The following SVIL variants were observed in gnomAD, a reference collection of about 807,000 sequenced individuals.
SVIL encodes archvillin.
A neutral mutation model predicts 240.4 loss-of-function variants in SVIL; 101 were observed. That is an observed-to-expected ratio of 0.42 (90% CI 0.36 to 0.50). The LOEUF (loss-of-function observed/expected upper bound fraction) is 0.50, where lower values mean the gene tolerates loss of function less well. Ranked by LOEUF, SVIL falls within the 20% of genes least tolerant of loss-of-function variation. The probability of loss-of-function intolerance (pLI) is 0.01; values close to 1 mark genes in which losing one functional copy is unlikely to be tolerated. For missense variants in SVIL, 2,512 were observed against 2,818.7 expected (o/e 0.89, Z 2.46); for synonymous variants, 999 against 1,100.0 (o/e 0.91, Z 1.82).
rs746951772 is a variant in SVIL at position 29,509,322 on chromosome 10, AGG to A, written c.3516+3411_3516+3412del. The stretch of plus-strand genomic sequence containing the variant: ...GAGGGGGAGAGAGAAAGGGAGAAGG[AGG>A]GGGAGGGAGAGAGAGAGAGAGAGAG... On this transcript the variant is annotated intron_variant, in intron 17 of 37. Coordinates refer to ENST00000355867, the MANE Select transcript of SVIL (RefSeq NM_021738.3). Among the ~76,000 whole-genome samples the A allele has an allele frequency of 8.6e-3, 951 of 110,108 alleles. 11 individuals carry two copies. The highest frequency in any genetic ancestry group is 8.4e-3 in the African/African-American group (247 of 29,278). 72.2% of individuals were successfully genotyped at this position (110,108 alleles called of 152,430 possible). A position where few individuals can be genotyped will look rare whatever the true frequency, so the allele number is the denominator to read the frequency against.
At chr10:29,689,517 C>T (rs1961341658) in intron 1 of SVIL, among the ~76,000 whole-genome samples, 3 of 152,164 alleles carry the variant, frequency 2.0e-5, no homozygotes, top group Admixed American at 6.5e-5. Flanking sequence ...AACTCCTGAC[C>T]TCGTGATCTG....
Position 29,463,517 on chromosome 10 carries a change from C to T in SVIL, c.6252G>A (p.Met2084Ile), listed in dbSNP as rs1281001380. The change falls in exon 35 of 38, where the codon ATG becomes ATA. Residue 2084 changes from methionine to isoleucine, a missense_variant. This residue lies in a region of SVIL where 797 missense variants were observed against 925.3 expected (regional missense o/e 0.86). Transcript: ENST00000355867. ...CTTTGCAGTACTGGAGCACAGTCTC[C>T]ATCGCACTCTTCCGGTCGGAGGCCC... ...IRWASDRKSA[M>I]ETVLQYCKGK... The T allele has an allele frequency of 6.2e-7, 1 of 1,614,122 alleles. No homozygotes were observed. The highest frequency in any genetic ancestry group is 1.7e-5 in the Admixed American group (1 of 60,032).
At chr10:29,458,750 G>A (rs1177497030) in intron 36 of SVIL, 161 bp from the exon 37 acceptor site, 10 of 642,000 alleles carry the variant, frequency 1.6e-5, no homozygotes, top group Non-Finnish European at 2.4e-5. Flanking sequence ...AAAAGGGATC[G>A]CCCAAAGCCC....
At position 29,488,713 on chromosome 10, in the gene SVIL, T is replaced by C; in HGVS notation, c.4236A>G (p.Leu1412=). Residue 1412 remains leucine (L), a synonymous_variant, in exon 23 of 38, where the codon TTA becomes TTG. Transcript: ENST00000355867. ...CGTTGCTGAAGTTTTCTTTACTGGC[T>C]AAACCCGCCAGGGTGACTTCTGAGA... ...SNFSEVTLAG[L]ASKENFSNVS... 2 of 1,613,052 alleles carry C rather than the reference T, an allele frequency of 1.2e-6. No individual in the cohort carries two copies. Among genetic ancestry groups the C allele is most frequent in the Non-Finnish European group, 1.7e-6 (2 of 1,179,648 alleles).
At chr10:29,472,426 T>C (rs1945692050) in intron 30 of SVIL, among the ~76,000 whole-genome samples, 2 of 152,338 alleles carry the variant, frequency 1.3e-5, no homozygotes, top group South Asian at 4.1e-4. Flanking sequence ...CTGGCAAGAA[T>C]GTCTCTGCTG....
At chr10:29,505,401 T>C (rs1313543933) in intron 17 of SVIL, among the ~76,000 whole-genome samples, 1 of 152,050 alleles carries the variant, frequency 6.6e-6, no homozygotes, top group Admixed American at 6.6e-5. Context: ...CGTAAATGCA[T>C]ATTACTAAAT....
At chr10:29,631,301 C>T (rs1411755880) in intron 1 of SVIL, among the ~76,000 whole-genome samples, 1 of 152,218 alleles carries the variant, frequency 6.6e-6, no homozygotes, top group Non-Finnish European at 1.5e-5. Flanking sequence ...GGAGGAGAAA[C>T]CGAGGGCCAA....
chr10:29,600,459 A>G (rs531206688), intron 1 of SVIL, among the ~76,000 whole-genome samples: 1 of 152,228 alleles, frequency 6.6e-6, no homozygotes, highest in East Asian at 1.9e-4. Flanking sequence ...GAATTTTTTT[A>G]AAGTTCCCCA....
chr10:29,543,962 A>C (rs923355978), intron 6 of SVIL, among the ~76,000 whole-genome samples: 7 of 152,206 alleles, frequency 4.6e-5, no homozygotes, highest in African/African-American at 1.7e-4. Flanking sequence ...GTTTTGATGC[A>C]GCAACTGGCT....
chr10:29,648,085 C>CA (rs1303627200), intron 3 of SVIL, among the ~76,000 whole-genome samples: 1 of 151,902 alleles, frequency 6.6e-6, no homozygotes, highest in African/African-American at 2.4e-5. Context: ...AATGCAGCCA[C>CA]ATGGAGTTAA....
intron 3 of SVIL, among the ~76,000 whole-genome samples, chr10:29,654,867 C>T (rs1192102637): frequency 6.6e-6 from 1 of 152,134 alleles, no homozygotes; most frequent in African/African-American, 2.4e-5. Context: ...GCTCTGATGT[C>T]CAAGGGCAGT....
chr10:29,524,069 T>C lies in SVIL; in HGVS notation c.2587-42A>G, dbSNP rs748258063. ...AAAAATTAAAAAGCTGCTTGAAAAA[T>C]ATCATCTATATAAATCCTGGTTTAT... On this transcript the variant is annotated intron_variant, in intron 14 of 37. Coordinates refer to ENST00000355867, the MANE Select transcript of SVIL (RefSeq NM_021738.3). The C allele has an allele frequency of 4.6e-6, 7 of 1,524,308 alleles. No homozygotes were observed. In the African/African-American group the frequency reaches 5.6e-5, roughly 12 times the overall value. The allele number at this position is 1,524,308 out of a possible 1,614,324, so 94.4% of individuals were successfully genotyped here.
intron 20 of SVIL, among the ~76,000 whole-genome samples, chr10:29,493,951 GAT>G (rs1564513630): frequency 6.6e-6 from 1 of 152,166 alleles, no homozygotes; most frequent in Non-Finnish European, 1.5e-5. Context: ...GAGGCTGGGG[GAT>G]CGCTTGAGCC....
chr10:29,650,488 G>A (rs1958800544), intron 3 of SVIL, among the ~76,000 whole-genome samples: 2 of 152,032 alleles, frequency 1.3e-5, no homozygotes, highest in Non-Finnish European at 2.9e-5. Flanking sequence ...ATAAATGCAA[G>A]GCTGATGTAT....
At chr10:29,711,134 T>C (rs904280015) in intron 1 of SVIL, among the ~76,000 whole-genome samples, 7 of 145,698 alleles carry the variant, frequency 4.8e-5, no homozygotes, top group Admixed American at 2.7e-4. Flanking sequence ...GAATGGCGAC[T>C]CATGCCTGTA....
intron 10 of SVIL, 35 bp from the exon 11 acceptor site, chr10:29,530,703 T>C (rs1440406201): frequency 3.1e-6 from 5 of 1,613,088 alleles, no homozygotes; most frequent in South Asian, 1.1e-5. Context: ...CTGGACATCA[T>C]TAGAGAAGGT....
intron 29 of SVIL, chr10:29,475,421 C>T (rs11007608): frequency 0.095 from 14,490 of 152,276 alleles, 875 homozygotes; most frequent in Non-Finnish European, 0.13. Context: ...ATTCAATGAG[C>T]GGGGACTTCA....
intron 1 of SVIL, among the ~76,000 whole-genome samples, chr10:29,721,049 T>C (rs1469561146): frequency 6.6e-6 from 1 of 152,140 alleles, no homozygotes; most frequent in Admixed American, 6.5e-5. Flanking sequence ...GTTTTTGCCA[T>C]GTTGGCCAGG....
chr10:29,646,733 C>T (rs1958669358), intron 3 of SVIL, among the ~76,000 whole-genome samples: 1 of 152,168 alleles, frequency 6.6e-6, no homozygotes, highest in Admixed American at 6.5e-5. Context: ...TGCCAGGCTG[C>T]AGTAGGGTCC....
Sources: gnomAD v4.1 joint callset for allele counts (sites outside exome capture counted in the v4.1 genomes callset) on GRCh38, gnomAD v4.1.1 for gene constraint, gnomAD v4.1.1 regional missense constraint, MANE v1.5 for transcripts, NCBI Gene and HGNC (gene_info 2026-07-23, HGNC 2026-07-21) for gene names.